The following UBAP2 variants were observed in gnomAD, a reference collection of about 807,000 sequenced individuals.
The protein encoded by UBAP2 is ubiquitin-associated protein 2.
In UBAP2, 75 loss-of-function variants were observed where a neutral mutation model predicts 139.6. The observed-to-expected ratio is 0.54, with a 90% CI of 0.45 to 0.65. The LOEUF (loss-of-function observed/expected upper bound fraction) is 0.65. Among genes scored for constraint, UBAP2 ranks in the 30% least tolerant of loss-of-function variants. The pLI is 0.00. For missense variants in UBAP2, 1,368 were observed against 1,369.6 expected, an observed-to-expected ratio of 1.00 and a Z score of 0.02; for synonymous variants, 526 against 526.2, an observed-to-expected ratio of 1.00 and a Z score of 0.01.
chr9:33,937,382 G>A (rs562735635), intron 16 of UBAP2, among the ~76,000 whole-genome samples: 1 of 152,062 alleles, frequency 6.6e-6, no homozygotes, highest in South Asian at 2.1e-4. Context: ...CAAGGAGGAC[G>A]TATCATTTGA....
intron 4 of UBAP2, among the ~76,000 whole-genome samples, chr9:33,989,827 C>T (rs1821544674): frequency 6.6e-6 from 1 of 152,072 alleles, no homozygotes; most frequent in African/African-American, 2.4e-5. Flanking sequence ...AATGATGCCC[C>T]AAAAGCTCCA....
chr9:34,047,849 G>T (rs1587715553), intron 1 of UBAP2, among the ~76,000 whole-genome samples: 1 of 152,322 alleles, frequency 6.6e-6, no homozygotes, highest in African/African-American at 2.4e-5. Context: ...TCTCTCAACT[G>T]TTAGGATACA....
At chr9:33,975,597 G>C (rs1294284949) in intron 6 of UBAP2, among the ~76,000 whole-genome samples, 1 of 150,294 alleles carries the variant, frequency 6.7e-6, no homozygotes, top group Non-Finnish European at 1.5e-5. Context: ...AGGAGATCGA[G>C]ACCATCCTGG....
intron 20 of UBAP2, among the ~76,000 whole-genome samples, chr9:33,927,426 G>A (rs2130863186): frequency 6.6e-6 from 1 of 152,314 alleles, no homozygotes; most frequent in South Asian, 2.1e-4. Context: ...AGAGGGACAG[G>A]CTGAGTTCGA....
intron 6 of UBAP2, among the ~76,000 whole-genome samples, chr9:33,980,220 CTTTTTTTTTTT>C (rs1173781682): frequency 7.1e-3 from 347 of 49,134 alleles, no homozygotes; most frequent in South Asian, 1.0e-2. Context: ...AGTGTCATTT[CTTTTTTTTTTT>C]TTTTTTTTTT....
intron 1 of UBAP2, among the ~76,000 whole-genome samples, chr9:34,045,761 TA>T: frequency 6.6e-6 from 1 of 152,282 alleles, no homozygotes; most frequent in Admixed American, 6.5e-5. Context: ...TGGTTTACAT[TA>T]AAATTGTAAA....
At chr9:33,929,936 G>A (rs1032405576) in intron 19 of UBAP2, among the ~76,000 whole-genome samples, 4 of 152,102 alleles carry the variant, frequency 2.6e-5, no homozygotes, top group Non-Finnish European at 5.9e-5. Flanking sequence ...CCTGGGAGGT[G>A]GAGGTTGCAC....
At chr9:34,046,846 C>A (rs1317584183) in intron 1 of UBAP2, among the ~76,000 whole-genome samples, 1 of 152,062 alleles carries the variant, frequency 6.6e-6, no homozygotes, top group African/African-American at 2.4e-5. Flanking sequence ...TCTCCCCATA[C>A]AATAAAAGTC....
chr9:33,975,301 G>A (rs531995490), intron 6 of UBAP2, among the ~76,000 whole-genome samples: 23 of 150,474 alleles, frequency 1.5e-4, no homozygotes, highest in East Asian at 1.2e-3. Context: ...GCGTGGTGGC[G>A]CGCGCCAGTA....
At chr9:33,940,060 AAAG>A (rs149073413) in intron 16 of UBAP2, among the ~76,000 whole-genome samples, 11,522 of 149,086 alleles carry the variant, frequency 0.077, 635 homozygotes, top group Non-Finnish European at 0.12. Context: ...GGGAGAGGGG[AAAG>A]AAGAAGAAAA....
intron 21 of UBAP2, 126 bp downstream of exon 21, chr9:33,926,863 G>A (rs1418869223): frequency 2.5e-5 from 26 of 1,033,060 alleles, no homozygotes; most frequent in South Asian, 9.3e-5. Flanking sequence ...GGGCAGAGAC[G>A]GGGGTGCTCA....
intron 1 of UBAP2, among the ~76,000 whole-genome samples, chr9:34,017,552 G>A (rs1448249966): frequency 6.6e-6 from 1 of 152,136 alleles, no homozygotes; most frequent in Non-Finnish European, 1.5e-5. Context: ...GATTTTACCT[G>A]CCAATAGCCC....
intron 13 of UBAP2, among the ~76,000 whole-genome samples, chr9:33,947,554 G>C (rs891729820): frequency 2.0e-5 from 3 of 152,158 alleles, no homozygotes; most frequent in African/African-American, 7.2e-5. Context: ...GGGCGTGGTG[G>C]CTCACACCTG....
intron 16 of UBAP2, among the ~76,000 whole-genome samples, chr9:33,938,050 T>G (rs1824755024): frequency 6.6e-6 from 1 of 152,182 alleles, no homozygotes; most frequent in Non-Finnish European, 1.5e-5. Context: ...CAGGCAGGTG[T>G]GCAGTGGTGT....
intron 1 of UBAP2, among the ~76,000 whole-genome samples, chr9:34,040,507 C>G (rs1028046028): frequency 2.0e-5 from 3 of 152,002 alleles, no homozygotes; most frequent in Non-Finnish European, 4.4e-5. Context: ...GCACTTTGTG[C>G]GGGTGAGGTG....
chr9:34,007,191 G>T (rs575038283), intron 2 of UBAP2, among the ~76,000 whole-genome samples: 2 of 152,180 alleles, frequency 1.3e-5, no homozygotes, highest in Admixed American at 6.6e-5. Flanking sequence ...GCTCTGGCTA[G>T]AAGTTCTAGT....
chr9:33,963,026 C>T (rs1361135171), intron 9 of UBAP2, among the ~76,000 whole-genome samples: 1 of 151,946 alleles, frequency 6.6e-6, no homozygotes, highest in Non-Finnish European at 1.5e-5. Flanking sequence ...AAAGACTGGC[C>T]TACCACTTTG....
chr9:34,047,061 CA>C (rs1241687712), intron 1 of UBAP2, among the ~76,000 whole-genome samples: 4 of 152,168 alleles, frequency 2.6e-5, no homozygotes, highest in African/African-American at 9.6e-5. Flanking sequence ...GCAATTACCA[CA>C]ACCCTTTCCC....
chr9:33,971,671 T>C lies in UBAP2; in HGVS notation c.659A>G (p.Asn220Ser), dbSNP rs1399953132. Residue 220 changes from asparagine to serine, a missense_variant, in exon 8 of 29, where the codon AAT (asparagine) becomes AGT (serine). Physicochemically the swap from Asn to Ser is conservative, Grantham distance 46 (BLOSUM62 1). Coordinates refer to ENST00000379238, the MANE Select transcript of UBAP2 (RefSeq NM_001370062.2). ...TKLVVWEAAQNGADEGTELAS... is the reference protein window; with the variant it reads ...TKLVVWEAAQSGADEGTELAS... ...CTTACCAGTTCCCTCATCTGCACCA[T>C]TCTGAGCAGCTTCCCAAACTACTAG... 2 of 1,609,378 alleles carry C rather than the reference T, an allele frequency of 1.2e-6. No homozygotes were observed. Among genetic ancestry groups the C allele is most frequent in the Non-Finnish European group, 8.5e-7 (1 of 1,175,652 alleles).
Sources: gnomAD v4.1 joint callset for allele counts (sites outside exome capture counted in the v4.1 genomes callset) on GRCh38, gnomAD v4.1.1 for gene constraint, MANE v1.5 for transcripts, NCBI Gene and HGNC (gene_info 2026-07-23, HGNC 2026-07-21) for gene names.